Variants in CACNA1C observed in about 807,000 individuals in gnomAD.
CACNA1C encodes voltage-dependent L-type calcium channel subunit alpha-1C.
In CACNA1C, 30 loss-of-function variants were observed where a neutral mutation model predicts 229.0. That is an observed-to-expected ratio of 0.13 (90% CI 0.10 to 0.18). The LOEUF (loss-of-function observed/expected upper bound fraction) is 0.18. CACNA1C is among the 10% of genes least tolerant of loss of function. The pLI is 1.00. For missense variants in CACNA1C, 1,658 were observed against 2,845.0 expected (o/e 0.58, Z 9.49); for synonymous variants, 1,114 against 1,132.5 (o/e 0.98, Z 0.33).
chr12:2,097,710 T>G (rs2074803884), intron 1 of CACNA1C, among the ~76,000 whole-genome samples: 1 of 152,194 alleles, frequency 6.6e-6, no homozygotes, highest in African/African-American at 2.4e-5. Flanking sequence ...GAGCTTGCCC[T>G]GTAAGCACAG....
At position 2,585,847 on chromosome 12, in the gene CACNA1C, G is replaced by C; in HGVS notation, c.2473G>C (p.Asp825His). The change falls in exon 18 of 47, where the codon GAC (aspartate) becomes CAC (histidine). Residue 825 changes from aspartate (D) to histidine (H), a missense_variant. Physicochemically the swap from Asp to His is moderately conservative, Grantham distance 81. Around this residue, in one of 20 missense-constraint regions of CACNA1C, gnomAD observed 121 missense variants for 128.8 expected, o/e 0.94. Transcript: ENST00000399655. This position sits in a 1 kb window ranked among gnomAD's most constrained non-coding sequence, Gnocchi z 4.1. ...TGTGACTGTCTAGATCAACATGGAT[G>C]ACCTCCAGCCCAATGAAAATGAGGA... ...SPPATKINMD[D>H]LQPNENEDKS... is the part of the protein sequence containing the mutation. 1 of 1,608,858 alleles carries C rather than the reference G, an allele frequency of 6.2e-7. No homozygotes were observed. The highest frequency in any genetic ancestry group is 8.5e-7 in the Non-Finnish European group (1 of 1,177,242).
At chr12:2,642,614 CTGTT>C (rs1373530558) in intron 30 of CACNA1C, among the ~76,000 whole-genome samples, 2 of 152,238 alleles carry the variant, frequency 1.3e-5, no homozygotes, top group Admixed American at 6.5e-5. Flanking sequence ...AGGGAATCAT[CTGTT>C]TGTTTCCTTT....
rs151189870 is a variant in CACNA1C, at chr12:2,248,336, A to G, written c.477+127906A>G. Among the ~76,000 whole-genome samples the G allele has an allele frequency of 2.8e-4, 42 of 152,194 alleles. No homozygotes were observed. In the Middle Eastern group the frequency reaches 0.01, roughly 37 times the overall value. On this transcript the variant is annotated intron_variant, in intron 3 of 46. Transcript: ENST00000399655. ...CAGGAACCAGAGTTGGATGCTGGGAATCTCCGTGCTGTCCTTCCAGGGAAC... is the reference window on the plus strand; with the variant it reads ...CAGGAACCAGAGTTGGATGCTGGGAGTCTCCGTGCTGTCCTTCCAGGGAAC...
At chr12:2,125,396 C>G (rs1369769555) in intron 3 of CACNA1C, among the ~76,000 whole-genome samples, 1 of 152,160 alleles carries the variant, frequency 6.6e-6, no homozygotes, top group South Asian at 2.1e-4. Context: ...AGGTTCAATG[C>G]TTGAAACATT....
chr12:2,410,014 CAG>C lies in CACNA1C; in HGVS notation c.478-38959_478-38958del, dbSNP rs1362727335. 6.6e-6 allele frequency among the ~76,000 whole-genome samples: 1 copy of C among 152,196 alleles called. No homozygotes were observed. The highest frequency in any genetic ancestry group is 6.5e-5 in the Admixed American group (1 of 15,284). On this transcript the variant is annotated intron_variant, in intron 3 of 46. Coordinates refer to ENST00000399655, the MANE Select transcript of CACNA1C (RefSeq NM_000719.7). This position sits in a 1 kb window ranked among gnomAD's most constrained non-coding sequence, Gnocchi z 5.3. ...CAGCTCGGAGAGACAGGAACGCAAA[CAG>C]AGGAGAATTTTCGCTCGGGGTGGGA...
rs918182812 is a variant in CACNA1C, at chr12:2,407,010, G to T, written c.478-41966G>T. 5.2e-5 allele frequency among the ~76,000 whole-genome samples: 8 copies of T among 152,384 alleles called. No individual in the cohort carries two copies. In the East Asian group the frequency reaches 5.8e-4, roughly 11 times the overall value. ...CACTCGGCCCCCATCAGCACTCAGT[G>T]AGGCAGGGCCTCCTCATTACTGCTG... On this transcript the variant is annotated intron_variant, in intron 3 of 46. Coordinates refer to ENST00000399655, the MANE Select transcript of CACNA1C (RefSeq NM_000719.7).
At chr12:2,279,150 C>T (rs922531984) in intron 3 of CACNA1C, among the ~76,000 whole-genome samples, 3 of 152,006 alleles carry the variant, frequency 2.0e-5, no homozygotes, top group African/African-American at 7.3e-5. Flanking sequence ...TTTTTAAAAT[C>T]AGATATGTGC....
chr12:2,360,179 A>ACCCCCCC (rs2097524246), intron 3 of CACNA1C, among the ~76,000 whole-genome samples: 1 of 24,574 alleles, frequency 4.1e-5, no homozygotes, highest in African/African-American at 1.1e-4. Context: ...CCCCCACCCC[A>ACCCCCCC]CACACACACA....
intron 1 of CACNA1C, among the ~76,000 whole-genome samples, chr12:2,097,358 G>C (rs555395775): frequency 6.6e-6 from 1 of 151,940 alleles, no homozygotes; most frequent in Middle Eastern, 3.2e-3. Context: ...ATGTTAGCCA[G>C]GATAGTCTCG....
chr12:1,997,567 T>C (rs891713098), intron 1 of CACNA1C, among the ~76,000 whole-genome samples: 1 of 152,194 alleles, frequency 6.6e-6, no homozygotes, highest in Admixed American at 6.5e-5. Context: ...TTTCCAAATA[T>C]TAACTGAACA....
chr12:2,030,842 G>A (rs575077719), intron 1 of CACNA1C, among the ~76,000 whole-genome samples: 1 of 152,230 alleles, frequency 6.6e-6, no homozygotes, highest in African/African-American at 2.4e-5. Context: ...AGGCAGAAAG[G>A]CTCAAAAGTC....
At chr12:2,690,418 C>T (rs890552380) in intron 46 of CACNA1C, among the ~76,000 whole-genome samples, 3 of 152,220 alleles carry the variant, frequency 2.0e-5, no homozygotes, top group African/African-American at 4.8e-5. Flanking sequence ...CAGCCTGGCG[C>T]TGCTGGGGTC....
chr12:2,312,169 T>C (rs2095471650), intron 3 of CACNA1C, among the ~76,000 whole-genome samples: 2 of 152,144 alleles, frequency 1.3e-5, no homozygotes, highest in African/African-American at 4.8e-5. Context: ...TCCGAGTTTG[T>C]TAGAGGGGTG....
In CACNA1C at chr12:2,319,456, C is replaced by G. The variant is rs544389676; in HGVS notation, c.478-129520C>G. Among the ~76,000 whole-genome samples, 6 of 152,236 alleles carry G rather than the reference C, an allele frequency of 3.9e-5. No homozygotes were observed. The South Asian group carries it at 1.2e-3, about 32-fold the overall frequency. ...CCACCATGCATCAGGAGGAAGAGAC[C>G]TCGCTCCCACGCCACAGCCCCAGGC... On this transcript the variant is annotated intron_variant, in intron 3 of 46. Transcript: ENST00000399655. This position sits in a 1 kb window ranked among gnomAD's most constrained non-coding sequence, Gnocchi z 4.0.
Position 2,597,376 on chromosome 12 carries a change from C to T in CACNA1C, c.2853+87C>T. ...GCTGTCTGTCGCTAACACACATGCT[C>T]CTTCCTGTTGGTGTGGGGTTCACTC... On this transcript the variant is annotated intron_variant, in intron 21 of 46. Coordinates refer to ENST00000399655, the MANE Select transcript of CACNA1C (RefSeq NM_000719.7). This position sits in a 1 kb window ranked among gnomAD's most constrained non-coding sequence, Gnocchi z 4.3. 1 of 1,504,608 alleles carries T rather than the reference C, an allele frequency of 6.6e-7. No homozygotes were observed. Among genetic ancestry groups the T allele is most frequent in the Non-Finnish European group, 9.3e-7 (1 of 1,080,426 alleles). 93.2% of individuals were successfully genotyped at this position (1,504,608 alleles called of 1,614,324 possible).
chr12:2,598,215 G>A (rs1451698166), intron 21 of CACNA1C, among the ~76,000 whole-genome samples: 1 of 152,172 alleles, frequency 6.6e-6, no homozygotes, highest in Non-Finnish European at 1.5e-5. Flanking sequence ...GAGAGCAGGT[G>A]CCGCAAGGAA....
At chr12:2,183,575 G>T (rs1325968213) in intron 3 of CACNA1C, among the ~76,000 whole-genome samples, 3 of 145,244 alleles carry the variant, frequency 2.1e-5, no homozygotes, top group African/African-American at 2.9e-5. Flanking sequence ...TCTGGGGACA[G>T]ACCCCCCCCC....
At chr12:2,037,998 A>G (rs1459388902) in intron 1 of CACNA1C, among the ~76,000 whole-genome samples, 1 of 152,114 alleles carries the variant, frequency 6.6e-6, no homozygotes, top group Non-Finnish European at 1.5e-5. Flanking sequence ...CTTCGGGACC[A>G]CCGACTCTAT....
intron 21 of CACNA1C, among the ~76,000 whole-genome samples, chr12:2,600,041 A>G (rs1300110631): frequency 6.6e-6 from 1 of 152,144 alleles, no homozygotes; most frequent in Admixed American, 6.5e-5. Flanking sequence ...GTTCTGTTAG[A>G]GCTCAGTAGT....
Sources: allele counts gnomAD v4.1 joint callset (sites outside exome capture counted in the v4.1 genomes callset), GRCh38; gene constraint gnomAD v4.1.1; regional missense constraint gnomAD v4.1.1; non-coding constraint Gnocchi (gnomAD v3.1); transcripts MANE v1.5; gene names NCBI Gene and HGNC (gene_info 2026-07-23, HGNC 2026-07-21).